The following SNTG2 variants were observed in gnomAD, a reference collection of about 807,000 sequenced individuals.
SNTG2 encodes gamma-2-syntrophin.
Under a neutral mutation model 70.9 loss-of-function variants are expected in SNTG2, and 74 were observed. The observed-to-expected ratio is 1.04, with a 90% confidence interval of 0.86 to 1.27. The LOEUF is 1.27. Ranked by LOEUF, SNTG2 falls within the 50% of genes most tolerant of loss-of-function variation. SNTG2 has a pLI of 0.00. For synonymous variants in SNTG2, 278 were observed against 273.8 expected (o/e 1.02, Z -0.15); for missense variants, 717 against 690.7 (o/e 1.04, Z -0.43).
At chr2:1,151,781 A>T (rs1021405844) in intron 6 of SNTG2, among the ~76,000 whole-genome samples, 2 of 152,076 alleles carry the variant, frequency 1.3e-5, no homozygotes, top group African/African-American at 2.4e-5. Flanking sequence ...AGCTGCTCAC[A>T]CTCTGCAGGG....
chr2:1,241,256 G>A (rs538654509), intron 11 of SNTG2, among the ~76,000 whole-genome samples: 12 of 152,160 alleles, frequency 7.9e-5, no homozygotes, highest in Non-Finnish European at 1.5e-4. Context: ...GAGGACAGCC[G>A]TCCTCTCCCG....
chr2:1,017,912 C>T (rs994070987), intron 1 of SNTG2, among the ~76,000 whole-genome samples: 1 of 152,158 alleles, frequency 6.6e-6, no homozygotes, highest in Non-Finnish European at 1.5e-5. Context: ...GGTGTCTGGT[C>T]AGCTCATAAC....
intron 1 of SNTG2, among the ~76,000 whole-genome samples, chr2:958,860 T>C (rs1660254766): frequency 6.6e-6 from 1 of 152,180 alleles, no homozygotes; most frequent in African/African-American, 2.4e-5. Context: ...ACATGCCTTA[T>C]GACAGTCAAA....
intron 1 of SNTG2, among the ~76,000 whole-genome samples, chr2:964,671 C>A (rs535045255): frequency 2.8e-4 from 43 of 152,252 alleles, no homozygotes; most frequent in Admixed American, 2.6e-3. Flanking sequence ...GACACTGGGT[C>A]CTTGGAAGTG....
At chr2:1,296,558 T>C (rs1011836845) in intron 14 of SNTG2, among the ~76,000 whole-genome samples, 7 of 152,230 alleles carry the variant, frequency 4.6e-5, no homozygotes, top group Non-Finnish European at 8.8e-5. Context: ...CCCACAGAGA[T>C]AGAGGTTGAC....
At chr2:1,188,202 A>G (rs929982376) in intron 8 of SNTG2, among the ~76,000 whole-genome samples, 2 of 152,212 alleles carry the variant, frequency 1.3e-5, no homozygotes, top group African/African-American at 4.8e-5. Context: ...TTGTTAAGAT[A>G]CTTCACGAAT....
At chr2:1,086,482 C>T (rs1295559233) in intron 2 of SNTG2, among the ~76,000 whole-genome samples, 1 of 152,218 alleles carries the variant, frequency 6.6e-6, no homozygotes, top group East Asian at 1.9e-4. Context: ...CACATCTGCC[C>T]TCATGGGGGT....
At chr2:1,333,064 T>C (rs1659614420) in intron 16 of SNTG2, among the ~76,000 whole-genome samples, 1 of 152,156 alleles carries the variant, frequency 6.6e-6, no homozygotes, top group African/African-American at 2.4e-5. Context: ...TAAGGACTCA[T>C]TCAGAAAGCT....
chr2:966,227 A>G (rs13419226), intron 1 of SNTG2, among the ~76,000 whole-genome samples: 51,271 of 151,860 alleles, frequency 0.34, 9,298 homozygotes, highest in Middle Eastern at 0.45. Context: ...TAGTTTTGAT[A>G]TTTTTAAAAT....
At chr2:1,065,674 C>A (rs1324641450) in intron 1 of SNTG2, among the ~76,000 whole-genome samples, 1 of 151,984 alleles carries the variant, frequency 6.6e-6, no homozygotes, top group African/African-American at 2.4e-5. Context: ...TTCCTAATAC[C>A]ATCTGTTTTA....
At chr2:1,170,264 T>G (rs1671039149) in intron 7 of SNTG2, among the ~76,000 whole-genome samples, 1 of 152,246 alleles carries the variant, frequency 6.6e-6, no homozygotes, top group African/African-American at 2.4e-5. Context: ...ATTCACCGTT[T>G]TAAAGTAACA....
intron 8 of SNTG2, among the ~76,000 whole-genome samples, chr2:1,177,945 ATTG>A (rs1177019181): frequency 1.3e-5 from 2 of 152,142 alleles, no homozygotes; most frequent in African/African-American, 4.8e-5. Context: ...AGACTACTGT[ATTG>A]TTGGAATTTG....
chr2:1,101,951 T>A (rs894733109), intron 4 of SNTG2, among the ~76,000 whole-genome samples: 1 of 152,192 alleles, frequency 6.6e-6, no homozygotes, highest in Non-Finnish European at 1.5e-5. Context: ...AGATGTTAGA[T>A]CAGTGCAAAA....
At chr2:1,262,806 C>G (rs1678512102) in intron 13 of SNTG2, 1 of 151,176 alleles carries the variant, frequency 6.6e-6, no homozygotes, top group African/African-American at 2.5e-5. Context: ...AGGCTCGGTC[C>G]AGACGACGAA....
At chr2:957,236 C>G (rs1030715233) in intron 1 of SNTG2, among the ~76,000 whole-genome samples, 1 of 150,688 alleles carries the variant, frequency 6.6e-6, no homozygotes, top group Admixed American at 6.7e-5. Flanking sequence ...ATTCCTAAAA[C>G]GATCATGGTC....
intron 1 of SNTG2, among the ~76,000 whole-genome samples, chr2:1,031,111 A>G (rs1289047683): frequency 6.6e-6 from 1 of 152,250 alleles, no homozygotes; most frequent in Non-Finnish European, 1.5e-5. Flanking sequence ...GCAGGCTCCA[A>G]TATTGCATGA....
intron 1 of SNTG2, among the ~76,000 whole-genome samples, chr2:980,111 A>G (rs933261250): frequency 6.6e-6 from 1 of 152,208 alleles, no homozygotes; most frequent in Non-Finnish European, 1.5e-5. Context: ...AGCTGAGCTC[A>G]AATACAGAAT....
At chr2:1,257,278 G>C (rs1336961514) in intron 12 of SNTG2, among the ~76,000 whole-genome samples, 1 of 152,148 alleles carries the variant, frequency 6.6e-6, no homozygotes, top group Non-Finnish European at 1.5e-5. Flanking sequence ...TCTCTTCCCT[G>C]AATCAATCAT....
intron 1 of SNTG2, among the ~76,000 whole-genome samples, chr2:1,005,861 ATATATATATATAT>A (rs1659554784): frequency 4.1e-5 from 1 of 24,446 alleles, no homozygotes; most frequent in Non-Finnish European, 8.3e-5. Context: ...ATATATATAT[ATATATATATATAT>A]AAACGTTGAC....
Sources: gnomAD v4.1 joint callset for allele counts (sites outside exome capture counted in the v4.1 genomes callset) on GRCh38, gnomAD v4.1.1 for gene constraint, MANE v1.5 for transcripts, NCBI Gene and HGNC (gene_info 2026-07-23, HGNC 2026-07-21) for gene names.